The following CAPN11 variants were observed in gnomAD, a reference collection of about 807,000 sequenced individuals.
The protein encoded by CAPN11 is calpain 11.
Under a neutral mutation model 105.3 loss-of-function variants are expected in CAPN11, and 108 were observed. That is an observed-to-expected ratio of 1.03 (90% CI 0.88 to 1.20). The LOEUF (loss-of-function observed/expected upper bound fraction) is 1.20, where lower values mean the gene tolerates loss of function less well. Ranked by LOEUF, CAPN11 falls within the 50% of genes most tolerant of loss-of-function variation. CAPN11 has a pLI of 0.00. For synonymous variants in CAPN11, 329 were observed against 344.5 expected, an observed-to-expected ratio of 0.96 and a Z score of 0.50; for missense variants, 883 against 924.8, an observed-to-expected ratio of 0.95 and a Z score of 0.59.
At chr6:44,172,904 G>A in intron 5 of CAPN11, 36 bp from the exon 6 acceptor site, 1 of 1,605,202 alleles carries the variant, frequency 6.2e-7, no homozygotes, top group Non-Finnish European at 8.5e-7. Context: ...TGATGATAGG[G>A]TTCCCACGCA....
At position 44,184,035 on chromosome 6, in the gene CAPN11, G is replaced by A; in HGVS notation, c.*103G>A. 7.5e-7 allele frequency: 1 copy of A among 1,326,126 alleles called. No individual in the cohort carries two copies. Among genetic ancestry groups the A allele is most frequent in the East Asian group, 2.5e-5 (1 of 39,782 alleles). 82.1% of individuals were successfully genotyped at this position (1,326,126 alleles called of 1,614,324 possible). On this transcript the variant is annotated 3_prime_UTR_variant, in exon 23 of 23. Transcript: ENST00000398776. ...TGTAGCCCTCAGCTCTCCGGTCTCT[G>A]CTGATGAAATGGGCTCCAGGTGGCA...
At chr6:44,163,331 G>A (rs1052778534) in intron 1 of CAPN11, among the ~76,000 whole-genome samples, 27 of 152,146 alleles carry the variant, frequency 1.8e-4, no homozygotes, top group African/African-American at 6.3e-4. Flanking sequence ...CCTGTCAGCT[G>A]CTCCACACAG....
intron 4 of CAPN11, among the ~76,000 whole-genome samples, chr6:44,171,931 T>C (rs1771075096): frequency 6.6e-6 from 1 of 151,958 alleles, no homozygotes; most frequent in African/African-American, 2.4e-5. Context: ...CCAGGTGGGG[T>C]GGCGGGCGCC....
intron 1 of CAPN11, among the ~76,000 whole-genome samples, chr6:44,164,582 G>A (rs1196069412): frequency 2.0e-5 from 3 of 152,224 alleles, no homozygotes; most frequent in Non-Finnish European, 4.4e-5. Flanking sequence ...GCAGCCCCAA[G>A]TTCTGCGCGG....
At position 44,158,840 on chromosome 6, in the gene CAPN11, G is replaced by C. The variant is rs1271398160; in HGVS notation, c.-9G>C. ...CCTTCAACTGTCAAGCACCGAGCTA[G>C]CCACCAGCATGCTGTACTCCCCAGG... On this transcript the variant is annotated 5_prime_UTR_variant, in exon 1 of 23. Coordinates refer to ENST00000398776, the MANE Select transcript of CAPN11 (RefSeq NM_007058.4). The C allele has an allele frequency of 1.3e-6, 2 of 1,551,354 alleles. No homozygotes were observed. The highest frequency in any genetic ancestry group is 1.7e-6 in the Non-Finnish European group (2 of 1,146,800).
intron 19 of CAPN11, among the ~76,000 whole-genome samples, chr6:44,181,863 A>ACACT (rs1554132387): frequency 1.6e-5 from 1 of 63,676 alleles, no homozygotes; most frequent in African/African-American, 5.2e-5. Context: ...CAACCACACC[A>ACACT]CACACACACA....
At chr6:44,160,159 G>A (rs1768472054) in intron 1 of CAPN11, among the ~76,000 whole-genome samples, 1 of 151,860 alleles carries the variant, frequency 6.6e-6, no homozygotes, top group African/African-American at 2.4e-5. Flanking sequence ...ATCACTGACA[G>A]TAGATTTTAA....
At position 44,176,286 on chromosome 6, in the gene CAPN11, C is replaced by A. The variant is rs375074381; in HGVS notation, c.949C>A (p.Arg317=). ...CAGAGGCAAAATGGAAACACTGATT[C>A]GGGTCCGGAATCCCTGGGGCCGGAT... ...HYRGKMETLI[R]VRNPWGRIEW... The change falls in exon 9 of 23, where the codon CGG becomes AGG. Residue 317 remains arginine (R), a synonymous_variant. Transcript: ENST00000398776. 1 of 1,613,902 alleles carries A rather than the reference C, an allele frequency of 6.2e-7. No homozygotes were observed. The highest frequency in any genetic ancestry group is 1.1e-5 in the South Asian group (1 of 91,076).
chr6:44,183,864 C>T (rs1167986476), intron 22 of CAPN11, 42 bp from the exon 23 acceptor site: 2 of 1,566,116 alleles, frequency 1.3e-6, no homozygotes, highest in African/African-American at 2.7e-5. Flanking sequence ...GCATCCTGCC[C>T]CCGTCTCTTC....
In CAPN11 at chr6:44,172,863, G is replaced by A. The variant is rs757468399; in HGVS notation, c.529-77G>A. The A allele has an allele frequency of 1.8e-5, 27 of 1,481,940 alleles. No homozygotes were observed. The South Asian group carries it at 2.3e-4, about 12-fold the overall frequency. 91.8% of individuals were successfully genotyped at this position (1,481,940 alleles called of 1,614,324 possible). A position where few individuals can be genotyped will look rare whatever the true frequency, so the allele number is the denominator to read the frequency against. On this transcript the variant is annotated intron_variant, in intron 5 of 22. Coordinates refer to ENST00000398776, the MANE Select transcript of CAPN11 (RefSeq NM_007058.4). ...GGAGAGTGGAGCCTCTGACACTGGCGTGTCATCAGGTCTGGCCACTAGGAG... is the reference window on the plus strand; with the variant it reads ...GGAGAGTGGAGCCTCTGACACTGGCATGTCATCAGGTCTGGCCACTAGGAG...
chr6:44,168,339 G>A (rs562385300), intron 2 of CAPN11, among the ~76,000 whole-genome samples: 44 of 152,042 alleles, frequency 2.9e-4, no homozygotes, highest in Middle Eastern at 3.4e-3. Flanking sequence ...GCACCATCTC[G>A]GCTCACTGCA....
chr6:44,162,707 C>T (rs568200313), intron 1 of CAPN11, among the ~76,000 whole-genome samples: 1 of 152,292 alleles, frequency 6.6e-6, no homozygotes, highest in East Asian at 1.9e-4. Context: ...CCTGGTGGCC[C>T]CTTTTCATGG....
intron 12 of CAPN11, 183 bp downstream of exon 12, chr6:44,177,603 T>A: frequency 1.7e-6 from 1 of 601,772 alleles, no homozygotes. Context: ...TTCTCGTGCC[T>A]CAGCCTTCCC....
intron 12 of CAPN11, chr6:44,177,699 C>G (rs1772358442): frequency 2.9e-6 from 1 of 349,010 alleles, no homozygotes; most frequent in South Asian, 3.1e-5. Context: ...GTTGGCTAGG[C>G]TGGTCTGGAA....
intron 1 of CAPN11, among the ~76,000 whole-genome samples, chr6:44,165,935 T>C (rs1412823288): frequency 6.6e-6 from 1 of 152,066 alleles, no homozygotes; most frequent in Non-Finnish European, 1.5e-5. Context: ...CAAGAGGCCA[T>C]TTGAGGTCTG....
Position 44,181,234 on chromosome 6 carries a change from T to A in CAPN11, c.1870-18T>A. The A allele has an allele frequency of 6.2e-7, 1 of 1,612,974 alleles. No individual in the cohort carries two copies. The highest frequency in any genetic ancestry group is 1.7e-5 in the Admixed American group (1 of 59,972). On this transcript the variant is annotated intron_variant, in intron 18 of 22. Coordinates refer to ENST00000398776, the MANE Select transcript of CAPN11 (RefSeq NM_007058.4). ...TGCCTTCTTCACTCCTTCTCTGCTG[T>A]CCTTGACCACCTTCCAGAAAGATGG...
rs368698407 is a variant in CAPN11, at chr6:44,166,838, G to A, written c.88+9G>A. ...TCGGGGCTCATGTGCGGGTAGGACT[G>A]CAGACCCGTCGTGGCTCTGTGGCCT... On this transcript the variant is annotated intron_variant, in intron 2 of 22. Coordinates refer to ENST00000398776, the MANE Select transcript of CAPN11 (RefSeq NM_007058.4). The A allele has an allele frequency of 7.8e-5, 121 of 1,542,300 alleles. No individual in the cohort carries two copies. Among genetic ancestry groups the A allele is most frequent in the Non-Finnish European group, 1.0e-4 (114 of 1,139,184 alleles).
intron 7 of CAPN11, among the ~76,000 whole-genome samples, chr6:44,175,004 G>C (rs1771718006): frequency 6.6e-6 from 1 of 152,198 alleles, no homozygotes; most frequent in African/African-American, 2.4e-5. Context: ...GGAGTCATGA[G>C]AAGAGATGGG....
In CAPN11 at chr6:44,160,144, A is replaced by T. The variant is rs145593549; in HGVS notation, c.16+1280A>T. ...AGCGAGACTCCATCTCAAAAAAAAA[A>T]GAAAATCACTGACAGTAGATTTTAA... On this transcript the variant is annotated intron_variant, in intron 1 of 22. Coordinates refer to ENST00000398776, the MANE Select transcript of CAPN11 (RefSeq NM_007058.4). 6.6e-3 allele frequency among the ~76,000 whole-genome samples: 998 copies of T among 152,082 alleles called. 12 individuals are homozygous for T. Among genetic ancestry groups the T allele is most frequent in the Non-Finnish European group, 6.2e-3 (423 of 67,982 alleles).
Sources: allele counts gnomAD v4.1 joint callset (sites outside exome capture counted in the v4.1 genomes callset), GRCh38; gene constraint gnomAD v4.1.1; transcripts MANE v1.5; gene names NCBI Gene and HGNC (gene_info 2026-07-23, HGNC 2026-07-21).